The following ATXN10 variants were observed in gnomAD, a reference collection of about 807,000 sequenced individuals.
ATXN10 encodes ataxin-10.
ATXN10 carries 28 observed loss-of-function variants against 52.9 expected under a neutral mutation model. The ratio of observed to expected loss-of-function variants is 0.53; its 90% CI spans 0.39 to 0.73. The LOEUF is 0.73. Among genes scored for constraint, ATXN10 ranks in the 30% least tolerant of loss-of-function variants. ATXN10 has a pLI of 0.00. For missense variants in ATXN10, 565 were observed against 577.0 expected (o/e 0.98, Z 0.21); for synonymous variants, 226 against 221.5 (o/e 1.02, Z -0.18).
At chr22:45,764,918 C>T (rs1926529715) in intron 9 of ATXN10, among the ~76,000 whole-genome samples, 1 of 152,120 alleles carries the variant, frequency 6.6e-6, no homozygotes, top group Non-Finnish European at 1.5e-5. Context: ...TTATTCTGAA[C>T]CTTTTCACAT....
chr22:45,820,680 C>G lies in ATXN10; in HGVS notation c.1237+13658C>G, dbSNP rs1201858171. Among the ~76,000 whole-genome samples the G allele has an allele frequency of 3.3e-5, 5 of 152,160 alleles. No individual in the cohort carries two copies. ...TCTTACCATTCTTTAGTCTTAAAATCTTCATTGAGGTCAAGAGAAAAGATG... is the reference window on the plus strand; with the variant it reads ...TCTTACCATTCTTTAGTCTTAAAATGTTCATTGAGGTCAAGAGAAAAGATG... On this transcript the variant is annotated intron_variant, in intron 10 of 11. Coordinates refer to ENST00000252934, the MANE Select transcript of ATXN10 (RefSeq NM_013236.4). The surrounding 1 kb of genome is among the most constrained non-coding windows in gnomAD (Gnocchi z 4.9).
At chr22:45,711,602 G>A (rs973522621) in intron 5 of ATXN10, among the ~76,000 whole-genome samples, 2 of 152,120 alleles carry the variant, frequency 1.3e-5, no homozygotes, top group African/African-American at 2.4e-5. Context: ...TTTTACAGAT[G>A]TTACCATTGG....
intron 10 of ATXN10, among the ~76,000 whole-genome samples, chr22:45,836,737 A>G (rs1929180135): frequency 6.6e-6 from 1 of 152,242 alleles, no homozygotes; most frequent in Admixed American, 6.5e-5. Context: ...TTTGTGCAAT[A>G]TAACGCATTT....
In ATXN10 at chr22:45,712,167, G is replaced by A. The variant is rs1157595899; in HGVS notation, c.648-6246G>A. On this transcript the variant is annotated intron_variant, in intron 5 of 11. Coordinates refer to ENST00000252934, the MANE Select transcript of ATXN10 (RefSeq NM_013236.4). This position sits in a 1 kb window ranked among gnomAD's most constrained non-coding sequence, Gnocchi z 4.6. ...TGCTGTTTGTTAGGGTGTGCAGTCA[G>A]GTGACCTCCCCTGGGGGCACAGGCT... Among the ~76,000 whole-genome samples the A allele has an allele frequency of 6.6e-6, 1 of 152,128 alleles. No homozygotes were observed. Among genetic ancestry groups the A allele is most frequent in the African/African-American group, 2.4e-5 (1 of 41,432 alleles).
chr22:45,822,264 T>G (rs1928673361), intron 10 of ATXN10, among the ~76,000 whole-genome samples: 1 of 152,212 alleles, frequency 6.6e-6, no homozygotes, highest in South Asian at 2.1e-4. Flanking sequence ...TGTGAGCATC[T>G]TGGTACATAC....
chr22:45,763,021 T>G lies in ATXN10; in HGVS notation c.1173+22483T>G, dbSNP rs1053734007. ...TGCACAGAAGCATTTAAGAAGCGCT[T>G]TGTAAAGCCATGGCCTCTCCTGCGC... On this transcript the variant is annotated intron_variant, in intron 9 of 11. Coordinates refer to ENST00000252934, the MANE Select transcript of ATXN10 (RefSeq NM_013236.4). The surrounding 1 kb of genome is among the most constrained non-coding windows in gnomAD (Gnocchi z 6.9). Among the ~76,000 whole-genome samples the G allele has an allele frequency of 6.6e-6, 1 of 152,202 alleles. No homozygotes were observed. Among genetic ancestry groups the G allele is most frequent in the African/African-American group, 2.4e-5 (1 of 41,452 alleles).
chr22:45,743,961 C>G (rs764868227), intron 9 of ATXN10, among the ~76,000 whole-genome samples: 15 of 152,090 alleles, frequency 9.9e-5, no homozygotes, highest in Non-Finnish European at 2.1e-4. Flanking sequence ...AAATAGACTT[C>G]CTGCAGGACT....
At chr22:45,834,629 C>G (rs1484394701) in intron 10 of ATXN10, among the ~76,000 whole-genome samples, 3 of 152,210 alleles carry the variant, frequency 2.0e-5, no homozygotes, top group Non-Finnish European at 2.9e-5. Context: ...TGACAGAACT[C>G]TGGGAGCTAC....
At chr22:45,699,269 G>A (rs1289936177) in intron 3 of ATXN10, among the ~76,000 whole-genome samples, 1 of 151,962 alleles carries the variant, frequency 6.6e-6, no homozygotes, top group Non-Finnish European at 1.5e-5. Flanking sequence ...TACCTGTCTG[G>A]AGTTTTCTTT....
At chr22:45,736,285 A>T (rs1375533040) in intron 7 of ATXN10, among the ~76,000 whole-genome samples, 1 of 152,172 alleles carries the variant, frequency 6.6e-6, no homozygotes, top group Non-Finnish European at 1.5e-5. Context: ...GTTGCCGTGG[A>T]CTGAATCAAA....
chr22:45,713,462 C>T (rs1924327593), intron 5 of ATXN10, among the ~76,000 whole-genome samples: 1 of 152,136 alleles, frequency 6.6e-6, no homozygotes, highest in Non-Finnish European at 1.5e-5. Flanking sequence ...CAAGATTAAA[C>T]TGAGGAGTTC....
chr22:45,723,553 G>A (rs138158), intron 6 of ATXN10, among the ~76,000 whole-genome samples: 64,414 of 151,950 alleles, frequency 0.42, 15,115 homozygotes, highest in African/African-American at 0.64. Context: ...TGAGTCTCCA[G>A]TGTCCATTAT....
At chr22:45,704,464 T>C (rs1923962210) in intron 5 of ATXN10, among the ~76,000 whole-genome samples, 2 of 152,168 alleles carry the variant, frequency 1.3e-5, no homozygotes, top group South Asian at 4.1e-4. Flanking sequence ...TCGTCAGTTA[T>C]GTTTTGTAGT....
chr22:45,809,688 T>G (rs1928218204), intron 10 of ATXN10, among the ~76,000 whole-genome samples: 1 of 152,160 alleles, frequency 6.6e-6, no homozygotes, highest in South Asian at 2.1e-4. Flanking sequence ...TGTTTGCTAT[T>G]TGAGGTGTGT....
intron 9 of ATXN10, chr22:45,760,439 A>G (rs1926343962): frequency 6.5e-6 from 1 of 154,132 alleles, no homozygotes; most frequent in South Asian, 2.0e-4. Flanking sequence ...GTGGAGTCAG[A>G]GGCAGTCCTT....
Position 45,843,762 on chromosome 22 carries a change from T to A in ATXN10, c.*91T>A. 7.7e-7 allele frequency: 1 copy of A among 1,291,818 alleles called. No individual in the cohort carries two copies. Among genetic ancestry groups the A allele is most frequent in the South Asian group, 1.2e-5 (1 of 80,884 alleles). The allele number at this position is 1,291,818 out of a possible 1,614,324, so 80.0% of individuals were successfully genotyped here. ...TGTGAAATTGCAAGTGTTTGAAGAT[T>A]TATAAGTACAAATTTGGGAACATAC... On this transcript the variant is annotated 3_prime_UTR_variant, in exon 12 of 12. Coordinates refer to ENST00000252934, the MANE Select transcript of ATXN10 (RefSeq NM_013236.4). The surrounding 1 kb of genome is among the most constrained non-coding windows in gnomAD (Gnocchi z 4.5).
At chr22:45,686,057 G>A (rs1181315435) in intron 1 of ATXN10, among the ~76,000 whole-genome samples, 1 of 152,206 alleles carries the variant, frequency 6.6e-6, no homozygotes, top group African/African-American at 2.4e-5. Flanking sequence ...ACGTTTTTAA[G>A]TTTCTGAGTA....
chr22:45,734,473 T>C (rs1006995096), intron 7 of ATXN10: 1 of 191,206 alleles, frequency 5.2e-6, no homozygotes, highest in African/African-American at 2.4e-5. Flanking sequence ...CTTGTAGTCG[T>C]TTTTTGTTTG....
At chr22:45,773,808 AAAAC>A (rs1425507398) in intron 9 of ATXN10, among the ~76,000 whole-genome samples, 3 of 152,148 alleles carry the variant, frequency 2.0e-5, no homozygotes, top group Admixed American at 6.5e-5. Flanking sequence ...AATCACAAGA[AAAAC>A]AAAACCACAG....
Sources: allele counts gnomAD v4.1 joint callset (sites outside exome capture counted in the v4.1 genomes callset), GRCh38; gene constraint gnomAD v4.1.1; non-coding constraint Gnocchi (gnomAD v3.1); transcripts MANE v1.5; gene names NCBI Gene and HGNC (gene_info 2026-07-23, HGNC 2026-07-21).